The following ADD2 variants were observed in gnomAD, a reference collection of about 807,000 sequenced individuals.
ADD2 encodes the protein adducin 2, also known as beta-adducin.
A neutral mutation model predicts 83.0 loss-of-function variants in ADD2; 23 were observed. The observed-to-expected ratio is 0.28, with a 90% confidence interval of 0.20 to 0.39. ADD2 has a LOEUF of 0.39. Ranked by LOEUF, ADD2 falls within the 10% of genes least tolerant of loss-of-function variation. The probability of loss-of-function intolerance (pLI) is 1.00; values close to 1 mark genes in which losing one functional copy is unlikely to be tolerated. For synonymous variants in ADD2, 375 were observed against 375.4 expected (o/e 1.00, Z 0.01); for missense variants, 758 against 944.9 (o/e 0.80, Z 2.59).
rs370197079 is a variant in ADD2, at chr2:70,688,096, C to A, written c.876G>T (p.Val292=). 6.2e-7 allele frequency: 1 copy of A among 1,614,144 alleles called. No individual in the cohort carries two copies. The highest frequency in any genetic ancestry group is 1.3e-5 in the African/African-American group (1 of 75,054). ...CCTCTACCGTGTCACCCAGAGCAACCACTCCATGGTTTCTTAGCACCAGGA... is the reference window on the plus strand; with the variant it reads ...CCTCTACCGTGTCACCCAGAGCAACAACTCCATGGTTTCTTAGCACCAGGA... ...CKILVLRNHG[V]VALGDTVEEA... is the part of the protein sequence containing the mutation. The change falls in exon 9 of 16, where the codon GTG becomes GTT. Residue 292 remains valine (V), a synonymous_variant. Coordinates refer to ENST00000264436, the MANE Select transcript of ADD2 (RefSeq NM_001617.4).
At chr2:70,729,628 G>T (rs187567059) in intron 1 of ADD2, among the ~76,000 whole-genome samples, 1 of 152,274 alleles carries the variant, frequency 6.6e-6, no homozygotes, top group East Asian at 1.9e-4. Flanking sequence ...GCAAAATATG[G>T]CAGGACATGC....
chr2:70,692,641 C>T, intron 6 of ADD2, 89 bp from the exon 7 acceptor site: 1 of 1,383,686 alleles, frequency 7.2e-7, no homozygotes, highest in East Asian at 2.5e-5. Flanking sequence ...CATGTGCCGC[C>T]CACCTGTCTT....
chr2:70,725,535 AG>A (rs1672946624), intron 1 of ADD2, among the ~76,000 whole-genome samples: 1 of 152,206 alleles, frequency 6.6e-6, no homozygotes, highest in Non-Finnish European at 1.5e-5. Flanking sequence ...TGGATCATCC[AG>A]GTAAGCCCTA....
intron 1 of ADD2, among the ~76,000 whole-genome samples, chr2:70,724,511 A>C (rs1180883397): frequency 6.6e-5 from 10 of 152,034 alleles, no homozygotes; most frequent in Non-Finnish European, 1.5e-4. Flanking sequence ...CACACTATGC[A>C]CGTGGGTTTC....
rs1184537510 is a variant in ADD2 at position 70,728,242 on chromosome 2, T to C, written c.-153-15058A>G. Among the ~76,000 whole-genome samples the C allele has an allele frequency of 2.6e-5, 4 of 152,334 alleles. No homozygotes were observed. The East Asian group carries it at 5.8e-4, about 22-fold the overall frequency. On this transcript the variant is annotated intron_variant, in intron 1 of 15. Transcript: ENST00000264436. ...TGGACCTCATAGGCCACGGCCTATA[T>C]GTGCTCTCTTTCCCATTGCCTTAAA...
Position 70,678,883 on chromosome 2 carries a change from C to T in ADD2, c.1204G>A (p.Ala402Thr). The T allele has an allele frequency of 6.2e-7, 1 of 1,614,204 alleles. No homozygotes were observed. Among genetic ancestry groups the T allele is most frequent in the Non-Finnish European group, 8.5e-7 (1 of 1,180,030 alleles). The change falls in exon 11 of 16, where the codon GCC becomes ACC. Residue 402 changes from alanine to threonine, a missense_variant. By Grantham distance (58) the Ala-to-Thr change is moderately conservative. This residue lies in a region of ADD2 where 394 missense variants were observed against 509.3 expected (regional missense o/e 0.77). Transcript: ENST00000264436. ...TKHKSEVEIP[A>T]TVTAFVFEED... ...TCAAACACGAAGGCTGTGACCGTGGCTGGAATCTCCACCTCACTTTTGTGT... is the reference window on the plus strand; with the variant it reads ...TCAAACACGAAGGCTGTGACCGTGGTTGGAATCTCCACCTCACTTTTGTGT...
chr2:70,696,435 T>G (rs782010365), intron 4 of ADD2, 39 bp from the exon 5 acceptor site: 2 of 1,611,754 alleles, frequency 1.2e-6, no homozygotes, highest in South Asian at 2.2e-5. Flanking sequence ...CCAGGGCCCA[T>G]CTGCCCTCCC....
intron 1 of ADD2, among the ~76,000 whole-genome samples, chr2:70,746,670 C>A (rs1171044536): frequency 6.6e-6 from 1 of 152,118 alleles, no homozygotes; most frequent in Non-Finnish European, 1.5e-5. Context: ...CAATTGGAGT[C>A]AAGTTTGTAT....
intron 10 of ADD2, among the ~76,000 whole-genome samples, chr2:70,680,214 G>C (rs1670387518): frequency 6.6e-6 from 1 of 152,082 alleles, no homozygotes; most frequent in Non-Finnish European, 1.5e-5. Context: ...TGACAAACCA[G>C]GAATTTATCT....
chr2:70,664,458 A>G (rs782745587), intron 15 of ADD2, among the ~76,000 whole-genome samples: 21 of 151,712 alleles, frequency 1.4e-4, no homozygotes, highest in Admixed American at 2.0e-4. Flanking sequence ...CCCCCTCCCC[A>G]CTCTCACTCA....
At chr2:70,678,624 T>C (rs2104246595) in intron 11 of ADD2, 80 bp downstream of exon 11, 1 of 1,498,492 alleles carries the variant, frequency 6.7e-7, no homozygotes, top group East Asian at 2.3e-5. Context: ...AGGTTTGTTC[T>C]GTTCCCGTTT....
intron 13 of ADD2, chr2:70,675,813 C>T (rs149443844): frequency 3.3e-5 from 33 of 985,284 alleles, no homozygotes; most frequent in East Asian, 1.1e-4. Flanking sequence ...AGAGGGACTC[C>T]GAGAAGAGCA....
chr2:70,733,953 G>A (rs1553379711), intron 1 of ADD2, among the ~76,000 whole-genome samples: 1 of 152,184 alleles, frequency 6.6e-6, no homozygotes, highest in African/African-American at 2.4e-5. Context: ...CTTCATCTCT[G>A]TTGTCAAGGA....
At position 70,706,162 on chromosome 2, in the gene ADD2, G is replaced by C. The variant is rs1045129282; in HGVS notation, c.183+64C>G. On this transcript the variant is annotated intron_variant, in intron 3 of 15. Coordinates refer to ENST00000264436, the MANE Select transcript of ADD2 (RefSeq NM_001617.4). The surrounding 1 kb of genome is among the most constrained non-coding windows in gnomAD (Gnocchi z 5.0). The stretch of plus-strand genomic sequence containing the variant: ...AAGAGGAGTTACTCATCTTTCGGGT[G>C]GGTACACGTCCTGAAGAGCCAGCGC... 2.8e-5 allele frequency: 43 copies of C among 1,533,114 alleles called. 1 individual carries two copies. The highest frequency in any genetic ancestry group is 2.7e-5 in the Non-Finnish European group (30 of 1,120,756). The allele number at this position is 1,533,114 out of a possible 1,614,324, so 95.0% of individuals were successfully genotyped here.
At chr2:70,675,974 G>A in intron 13 of ADD2, 3 of 985,422 alleles carry the variant, frequency 3.0e-6, no homozygotes, top group Non-Finnish European at 3.6e-6. Flanking sequence ...GTTGGGGTTG[G>A]GGGGAGGTAA....
rs555367308 is a variant in ADD2, at chr2:70,658,256, T to A, written c.*5169A>T. On this transcript the variant is annotated 3_prime_UTR_variant, in exon 16 of 16. Transcript: ENST00000264436. ...GCTTCCCGGTGAGCGTGGCTGCTCA[T>A]TGTGAGAGGTAAAGGGATGTTGGGC... 1 of 152,126 alleles carries A rather than the reference T, an allele frequency of 6.6e-6. No individual in the cohort carries two copies. Among genetic ancestry groups the A allele is most frequent in the African/African-American group, 2.4e-5 (1 of 41,410 alleles). The allele number at this position is 152,126 out of a possible 1,614,324, so 9.4% of individuals were successfully genotyped here. A position where few individuals can be genotyped will look rare whatever the true frequency, so the allele number is the denominator to read the frequency against.
At chr2:70,686,791 G>A (rs1223716973) in intron 9 of ADD2, among the ~76,000 whole-genome samples, 1 of 152,176 alleles carries the variant, frequency 6.6e-6, no homozygotes, top group Non-Finnish European at 1.5e-5. Flanking sequence ...AGCTGGGTCT[G>A]TGTCCACCTG....
chr2:70,728,874 G>A (rs1158715872), intron 1 of ADD2, among the ~76,000 whole-genome samples: 6 of 152,228 alleles, frequency 3.9e-5, no homozygotes, highest in Admixed American at 2.0e-4. Flanking sequence ...TGCAGAAAAG[G>A]CACCTTGGTA....
At chr2:70,674,216 T>C (rs1553367744) in intron 14 of ADD2, among the ~76,000 whole-genome samples, 1 of 152,150 alleles carries the variant, frequency 6.6e-6, no homozygotes. Flanking sequence ...TACAAGCTAC[T>C]GTGAGTGAAT....
Sources: gnomAD v4.1 joint callset for allele counts (sites outside exome capture counted in the v4.1 genomes callset) on GRCh38, gnomAD v4.1.1 for gene constraint, gnomAD v4.1.1 regional missense constraint, Gnocchi (gnomAD v3.1) non-coding constraint, MANE v1.5 for transcripts, NCBI Gene and HGNC (gene_info 2026-07-23, HGNC 2026-07-21) for gene names.